VPS53: variants seen among roughly 807,000 people sequenced by gnomAD.
VPS53 encodes VPS53 subunit of GARP complex, also known as vacuolar protein sorting-associated protein 53 homolog.
Under a neutral mutation model 107.0 loss-of-function variants are expected in VPS53, and 70 were observed. That is an observed-to-expected ratio of 0.65 (90% CI 0.54 to 0.80). The LOEUF is 0.80. VPS53 is among the 30% of genes least tolerant of loss of function. VPS53 has a pLI of 0.00. For synonymous variants in VPS53, 409 were observed against 393.3 expected, an observed-to-expected ratio of 1.04 and a Z score of -0.47; for missense variants, 917 against 1,049.4, an observed-to-expected ratio of 0.87 and a Z score of 1.74.
At chr17:533,350 C>A (rs561923036) in intron 18 of VPS53, among the ~76,000 whole-genome samples, 11 of 152,276 alleles carry the variant, frequency 7.2e-5, no homozygotes, top group African/African-American at 2.6e-4. Context: ...TTCAAGCAGT[C>A]CTCCTCCCTT....
intron 7 of VPS53, 64 bp from the exon 8 acceptor site, chr17:631,692 C>G (rs527559279): frequency 1.3e-6 from 2 of 1,506,586 alleles, no homozygotes; most frequent in African/African-American, 2.7e-5. Context: ...CACACCGATC[C>G]ACAGGGTCGG....
At chr17:589,514 A>C (rs1402146473) in intron 12 of VPS53, among the ~76,000 whole-genome samples, 1 of 152,196 alleles carries the variant, frequency 6.6e-6, no homozygotes, top group Non-Finnish European at 1.5e-5. Flanking sequence ...TGGGGAGGAA[A>C]TAATAAAGTT....
intron 12 of VPS53, among the ~76,000 whole-genome samples, chr17:598,787 A>T (rs1269847848): frequency 7.9e-6 from 1 of 126,204 alleles, no homozygotes; most frequent in African/African-American, 2.9e-5. Flanking sequence ...CTGAGAAGTG[A>T]GGAGCCTCTC....
At position 519,830 on chromosome 17, in the gene VPS53, A is replaced by T; in HGVS notation, c.2324T>A (p.Met775Lys). Residue 775 changes from methionine (M) to lysine (K), a missense_variant, in exon 21 of 22, where the codon ATG (methionine) becomes AAG (lysine). Met to Lys is a moderately conservative substitution (Grantham distance 95, BLOSUM62 -1). Coordinates refer to ENST00000437048, the MANE Select transcript of VPS53 (RefSeq NM_001128159.3). This position sits in a 1 kb window ranked among gnomAD's most constrained non-coding sequence, Gnocchi z 5.0. ...ACCAAATGTCCCGGCACAAACCTTC[A>T]TGTCCAGTATCTTCTGAAAGGTTTC... is the stretch of plus-strand genomic sequence containing the variant. ...NTETFQKILD[M>K]KGLKRSEQSS... 1 of 1,550,428 alleles carries T rather than the reference A, an allele frequency of 6.4e-7. No homozygotes were observed. Among genetic ancestry groups the T allele is most frequent in the Non-Finnish European group, 8.7e-7 (1 of 1,145,794 alleles).
intron 13 of VPS53, among the ~76,000 whole-genome samples, chr17:581,156 A>C (rs1287835130): frequency 1.3e-5 from 2 of 150,898 alleles, no homozygotes; most frequent in South Asian, 2.1e-4. Context: ...CTCCCTTAAA[A>C]GCTAGTGCGT....
chr17:571,815 G>T (rs1429780178), intron 13 of VPS53, among the ~76,000 whole-genome samples: 1 of 152,260 alleles, frequency 6.6e-6, no homozygotes, highest in Non-Finnish European at 1.5e-5. Flanking sequence ...GAGGTGCCGG[G>T]ATTGCAGACG....
chr17:678,648 A>T lies in VPS53; in HGVS notation c.286-16753T>A, dbSNP rs191819744. ...CTCCTGGCTAAATATATATATATAT[A>T]TATTTTTTTGAGACAGAGTCTCGCT... On this transcript the variant is annotated intron_variant, in intron 4 of 21. Transcript: ENST00000437048. Among the ~76,000 whole-genome samples, 810 of 145,468 alleles carry T rather than the reference A, an allele frequency of 5.6e-3. 5 individuals carry two copies. Among genetic ancestry groups the T allele is most frequent in the East Asian group, 0.015 (73 of 4,796 alleles).
intron 14 of VPS53, among the ~76,000 whole-genome samples, chr17:561,473 T>C (rs1912975946): frequency 6.6e-6 from 1 of 152,208 alleles, no homozygotes; most frequent in Non-Finnish European, 1.5e-5. Flanking sequence ...AAACGGTAGC[T>C]GCAGGGAATA....
chr17:681,431 G>A (rs770921119), intron 4 of VPS53, among the ~76,000 whole-genome samples: 10 of 152,132 alleles, frequency 6.6e-5, no homozygotes, highest in Admixed American at 1.3e-4. Flanking sequence ...CACTGCGCCC[G>A]GCCTACAAAA....
intron 4 of VPS53, among the ~76,000 whole-genome samples, chr17:662,751 G>GAGAAAGAAAGAAAGAAAGAAAGAAAGAA (rs148578494): frequency 0.017 from 1,372 of 79,800 alleles, 34 homozygotes; most frequent in Middle Eastern, 0.057. Context: ...GACAAAGAAA[G>GAGAAAGAAAGAAAGAAAGAAAGAAAGAA]AGAAAGAAAG....
chr17:581,877 GC>G, intron 13 of VPS53, among the ~76,000 whole-genome samples: 1 of 136,356 alleles, frequency 7.3e-6, no homozygotes, highest in East Asian at 2.3e-4. Context: ...CAGTACATTC[GC>G]AGACAACCTC....
Position 631,969 on chromosome 17 carries a change from C to G in VPS53, c.609-341G>C, listed in dbSNP as rs60556630. On this transcript the variant is annotated intron_variant, in intron 7 of 21. Transcript: ENST00000437048. The stretch of plus-strand genomic sequence containing the variant: ...ACATCCACATCAAATATAAATCTAG[C>G]TGGGCGCAGTGGTTCACGCCTGGAA... Among the ~76,000 whole-genome samples the G allele has an allele frequency of 2.6e-3, 398 of 152,264 alleles. 2 individuals are homozygous for G. Among genetic ancestry groups the G allele is most frequent in the African/African-American group, 9.2e-3 (383 of 41,532 alleles).
chr17:546,499 A>T (rs1320706173), intron 17 of VPS53, among the ~76,000 whole-genome samples: 1 of 152,196 alleles, frequency 6.6e-6, no homozygotes. Context: ...CCAGATATAA[A>T]AAGAACTTTT....
Position 513,625 on chromosome 17 carries a change from GAATCCCATTTCC to G in VPS53, c.*5491_*5502del, listed in dbSNP as rs1908090774. The G allele has an allele frequency of 1.4e-5, 2 of 144,046 alleles. No individual in the cohort carries two copies. The highest frequency in any genetic ancestry group is 3.1e-5 in the Non-Finnish European group (2 of 63,986). The allele number at this position is 144,046 out of a possible 1,614,324, so 8.9% of individuals were successfully genotyped here. On this transcript the variant is annotated 3_prime_UTR_variant, in exon 22 of 22. Transcript: ENST00000437048. ...GTTCTGAGTGCTCTTCCTAGCGAAGGAATCCCATTTCCAGCAGGTTATTCCGAGTGCTCTTCC... is the reference window on the plus strand; with the variant it reads ...GTTCTGAGTGCTCTTCCTAGCGAAGGAGCAGGTTATTCCGAGTGCTCTTCC...
chr17:665,865 G>C (rs1442685252), intron 4 of VPS53, among the ~76,000 whole-genome samples: 1 of 152,102 alleles, frequency 6.6e-6, no homozygotes, highest in Non-Finnish European at 1.5e-5. Flanking sequence ...TTAGATGGGC[G>C]TGGTGGCGGG....
chr17:704,938 T>C (rs1454522007), intron 2 of VPS53, among the ~76,000 whole-genome samples: 3 of 152,182 alleles, frequency 2.0e-5, no homozygotes, highest in Non-Finnish European at 2.9e-5. Context: ...TCCCCTTTCA[T>C]ACAAAATGAT....
intron 11 of VPS53, among the ~76,000 whole-genome samples, chr17:621,016 T>C (rs532988689): frequency 2.0e-4 from 31 of 152,332 alleles, no homozygotes; most frequent in Admixed American, 1.4e-3. Flanking sequence ...ACACAAAGTA[T>C]GTAAATGCAT....
intron 11 of VPS53, among the ~76,000 whole-genome samples, chr17:614,970 T>C (rs1969069787): frequency 1.3e-5 from 2 of 152,078 alleles, no homozygotes; most frequent in African/African-American, 2.4e-5. Flanking sequence ...AACAAAAACC[T>C]CCCAGTGAGG....
chr17:601,963 G>T, intron 11 of VPS53, 67 bp from the exon 12 acceptor site: 2 of 1,198,496 alleles, frequency 1.7e-6, no homozygotes, highest in Non-Finnish European at 2.3e-6. Flanking sequence ...CCATTGATCT[G>T]CTTTTTCTAG....
Sources: gnomAD v4.1 joint callset for allele counts (sites outside exome capture counted in the v4.1 genomes callset) on GRCh38, gnomAD v4.1.1 for gene constraint, Gnocchi (gnomAD v3.1) non-coding constraint, MANE v1.5 for transcripts, NCBI Gene and HGNC (gene_info 2026-07-23, HGNC 2026-07-21) for gene names.